PKIB: variants seen among roughly 807,000 people sequenced by gnomAD.
PKIB encodes cAMP-dependent protein kinase inhibitor beta, also known as PKI-beta.
A neutral mutation model predicts 4.5 loss-of-function variants in PKIB; 2 were observed. That is an observed-to-expected ratio of 0.44 (90% CI 0.18 to 1.39). PKIB has a LOEUF of 1.39. Among genes scored for constraint, PKIB ranks in the 40% most tolerant of loss-of-function variants. The pLI, the probability that PKIB is intolerant of heterozygous loss-of-function variation, is 0.27. For synonymous variants in PKIB, 38 were observed against 36.0 expected, an observed-to-expected ratio of 1.06 and a Z score of -0.20; for missense variants, 94 against 92.6, an observed-to-expected ratio of 1.02 and a Z score of -0.06.
At chr6:122,723,355 TC>T (rs1168414749) in intron 4 of PKIB, among the ~76,000 whole-genome samples, 2 of 152,134 alleles carry the variant, frequency 1.3e-5, no homozygotes, top group Non-Finnish European at 2.9e-5. Flanking sequence ...AAAAGCGAAC[TC>T]CAGATAGTCT....
At chr6:122,710,148 C>G (rs561712930) in intron 3 of PKIB, among the ~76,000 whole-genome samples, 7 of 152,268 alleles carry the variant, frequency 4.6e-5, no homozygotes, top group Admixed American at 3.3e-4. Context: ...GTTCCAGTCT[C>G]TCTACTAGGC....
intron 2 of PKIB, chr6:122,484,049 T>C (rs1228237594): frequency 6.6e-6 from 1 of 152,218 alleles, no homozygotes; most frequent in Non-Finnish European, 1.5e-5. Flanking sequence ...TGTAGAGTTT[T>C]ACTGCCATCA....
At chr6:122,479,968 A>G (rs538355021) in intron 2 of PKIB, 1 of 152,320 alleles carries the variant, frequency 6.6e-6, no homozygotes, top group South Asian at 2.1e-4. Context: ...AAAAAAGATT[A>G]AAGAAAACAA....
intron 4 of PKIB, among the ~76,000 whole-genome samples, chr6:122,723,333 C>T (rs572310539): frequency 6.6e-6 from 1 of 152,238 alleles, no homozygotes; most frequent in East Asian, 1.9e-4. Context: ...GAATCTCAAA[C>T]TTAATGGGTA....
At chr6:122,665,752 A>G (rs575853398) in intron 2 of PKIB, among the ~76,000 whole-genome samples, 3 of 152,222 alleles carry the variant, frequency 2.0e-5, no homozygotes, top group South Asian at 2.1e-4. Context: ...TTCTGGTCCT[A>G]TGCATATAAC....
chr6:122,497,847 CTT>C (rs1203366224), intron 2 of PKIB, among the ~76,000 whole-genome samples: 1 of 152,140 alleles, frequency 6.6e-6, no homozygotes, highest in Admixed American at 6.6e-5. Flanking sequence ...AAATTCAACA[CTT>C]GACCAACTGG....
At chr6:122,659,354 G>A (rs1225273918) in intron 2 of PKIB, among the ~76,000 whole-genome samples, 2 of 152,134 alleles carry the variant, frequency 1.3e-5, no homozygotes, top group Non-Finnish European at 2.9e-5. Flanking sequence ...TCCTTACTGT[G>A]CTGTTTCCCT....
At chr6:122,641,818 C>G (rs1013231413) in intron 2 of PKIB, among the ~76,000 whole-genome samples, 1 of 152,138 alleles carries the variant, frequency 6.6e-6, no homozygotes, top group Non-Finnish European at 1.5e-5. Context: ...CTCAGCCTCC[C>G]GAGTAGCTGG....
At chr6:122,518,673 C>T (rs1314482886) in intron 2 of PKIB, among the ~76,000 whole-genome samples, 1 of 151,984 alleles carries the variant, frequency 6.6e-6, no homozygotes, top group Non-Finnish European at 1.5e-5. Flanking sequence ...TAGTGGGTGT[C>T]AGGCATTCAA....
At chr6:122,573,158 A>T (rs535570596) in intron 2 of PKIB, among the ~76,000 whole-genome samples, 2 of 152,208 alleles carry the variant, frequency 1.3e-5, no homozygotes, top group Non-Finnish European at 2.9e-5. Context: ...GAAAGGACAC[A>T]AGAGAAAAAG....
intron 2 of PKIB, among the ~76,000 whole-genome samples, chr6:122,490,320 T>A (rs1775902779): frequency 6.6e-6 from 1 of 152,158 alleles, no homozygotes; most frequent in African/African-American, 2.4e-5. Flanking sequence ...AAGTTTAGCG[T>A]GAGGATGTTT....
intron 4 of PKIB, among the ~76,000 whole-genome samples, chr6:122,719,931 T>C (rs1352013422): frequency 6.6e-6 from 1 of 152,146 alleles, no homozygotes; most frequent in Admixed American, 6.5e-5. Flanking sequence ...GATATAGGCT[T>C]ACATAGGTAG....
rs779951386 is a variant in PKIB at position 122,701,041 on chromosome 6, A to G, written c.-8-16746A>G. 4.2e-5 allele frequency: 7 copies of G among 165,064 alleles called. No homozygotes were observed. The South Asian group carries it at 5.2e-4, about 12-fold the overall frequency. The allele number at this position is 165,064 out of a possible 1,614,324, so 10.2% of individuals were successfully genotyped here. A position where few individuals can be genotyped will look rare whatever the true frequency, so the allele number is the denominator to read the frequency against. ...GTACCAAATGCTCCTTCCTCTCCCC[A>G]CCCTTTTCTTTTTTCATTAGCACCT... On this transcript the variant is annotated intron_variant, in intron 3 of 4. Transcript: ENST00000368452.
chr6:122,557,148 AGAGCTTGCAGT>A (rs1412873473), intron 2 of PKIB, among the ~76,000 whole-genome samples: 2 of 152,218 alleles, frequency 1.3e-5, no homozygotes, highest in African/African-American at 4.8e-5. Context: ...TCCAGGAGGC[AGAGCTTGCAGT>A]GAGCTGAGAT....
At chr6:122,670,922 T>C (rs1777437830) in intron 2 of PKIB, among the ~76,000 whole-genome samples, 1 of 152,240 alleles carries the variant, frequency 6.6e-6, no homozygotes, top group Admixed American at 6.5e-5. Context: ...GTTCAGTGGA[T>C]ACATTTTAAC....
intron 1 of PKIB, among the ~76,000 whole-genome samples, chr6:122,473,898 T>C (rs925049582): frequency 6.6e-6 from 1 of 152,230 alleles, no homozygotes; most frequent in Non-Finnish European, 1.5e-5. Context: ...TTTAGGTGGC[T>C]GAGGCGGGCA....
chr6:122,542,214 T>C (rs1248859452), intron 2 of PKIB, among the ~76,000 whole-genome samples: 2 of 152,128 alleles, frequency 1.3e-5, no homozygotes, highest in East Asian at 1.9e-4. Flanking sequence ...AGCTTTGTTC[T>C]GTTGCTGGTG....
chr6:122,566,741 GC>G (rs1773208687), intron 2 of PKIB, among the ~76,000 whole-genome samples: 1 of 151,236 alleles, frequency 6.6e-6, no homozygotes, highest in African/African-American at 2.4e-5. Flanking sequence ...AACTTTAATA[GC>G]AAAACTTCAT....
intron 4 of PKIB, among the ~76,000 whole-genome samples, chr6:122,724,287 G>A (rs146397577): frequency 6.6e-6 from 1 of 152,220 alleles, no homozygotes; most frequent in Non-Finnish European, 1.5e-5. Context: ...ATTAGAGTCA[G>A]CCTCTTGATG....
Sources: gnomAD v4.1 joint callset for allele counts (sites outside exome capture counted in the v4.1 genomes callset) on GRCh38, gnomAD v4.1.1 for gene constraint, MANE v1.5 for transcripts, NCBI Gene and HGNC (gene_info 2026-07-23, HGNC 2026-07-21) for gene names.